The following PHACTR3 variants were observed in gnomAD, a reference collection of about 807,000 sequenced individuals.
The protein encoded by PHACTR3 is protein phosphatase 1, regulatory subunit 123.
PHACTR3 carries 16 observed loss-of-function variants against 66.8 expected under a neutral mutation model. That is an observed-to-expected ratio of 0.24 (90% CI 0.16 to 0.36). The LOEUF is 0.36. PHACTR3 is among the 10% of genes least tolerant of loss of function. The pLI, the probability that PHACTR3 is intolerant of heterozygous loss-of-function variation, is 1.00. For missense variants in PHACTR3, 647 were observed against 719.9 expected, an observed-to-expected ratio of 0.90 and a Z score of 1.16; for synonymous variants, 323 against 292.1, an observed-to-expected ratio of 1.11 and a Z score of -1.08.
At chr20:59,702,206 TAGA>T (rs1458391150) in intron 1 of PHACTR3, among the ~76,000 whole-genome samples, 1 of 152,152 alleles carries the variant, frequency 6.6e-6, no homozygotes, top group Non-Finnish European at 1.5e-5. Context: ...TCATTGCTCT[TAGA>T]AGGTCATTCA....
chr20:59,626,239 C>T (rs551618948), intron 1 of PHACTR3, among the ~76,000 whole-genome samples: 29 of 152,226 alleles, frequency 1.9e-4, no homozygotes, highest in Non-Finnish European at 2.5e-4. Context: ...GTTGCAGTGA[C>T]GACTCATGTC....
At position 59,692,762 on chromosome 20, in the gene PHACTR3, T is replaced by A. The variant is rs816101; in HGVS notation, c.119-50345T>A. Among the ~76,000 whole-genome samples the A allele has an allele frequency of 6.0e-3, 918 of 152,276 alleles. 3 individuals carry two copies. The highest frequency in any genetic ancestry group is 0.01 in the Non-Finnish European group (691 of 68,000). The stretch of plus-strand genomic sequence containing the variant: ...AGCCTTGGTTAAAATATCAGCTCCA[T>A]CCCTTATGACCTTGGGCAACTTACA... On this transcript the variant is annotated intron_variant, in intron 1 of 12. Coordinates refer to ENST00000371015, the MANE Select transcript of PHACTR3 (RefSeq NM_080672.5).
Position 59,743,150 on chromosome 20 carries a change from C to G in PHACTR3, c.162C>G (p.Val54=). 6.2e-7 allele frequency: 1 copy of G among 1,614,072 alleles called. No individual in the cohort carries two copies. The highest frequency in any genetic ancestry group is 8.5e-7 in the Non-Finnish European group (1 of 1,179,966). The change falls in exon 2 of 13, where the codon GTC becomes GTG. Residue 54 remains valine, a synonymous_variant. Coordinates refer to ENST00000371015, the MANE Select transcript of PHACTR3 (RefSeq NM_080672.5). The part of the protein sequence containing the change: ...QTPPARPEYL[V]SGIRTPPVRR... The stretch of plus-strand genomic sequence containing the variant: ...CCCCGGCGCGTCCTGAATATCTGGT[C>G]TCAGGGATTCGAACTCCCCCTGTGA...
chr20:59,836,624 C>T (rs2058972068), intron 9 of PHACTR3, 64 bp downstream of exon 9: 1 of 1,527,522 alleles, frequency 6.5e-7, no homozygotes, highest in East Asian at 2.4e-5. Context: ...TGCACAAATC[C>T]TGAGTTCCCA....
intron 1 of PHACTR3, among the ~76,000 whole-genome samples, chr20:59,593,396 G>A (rs2033240884): frequency 6.6e-6 from 1 of 151,980 alleles, no homozygotes. Context: ...GTATATTTTG[G>A]ATAACAGTCC....
intron 1 of PHACTR3, chr20:59,628,555 C>G (rs746929110): frequency 2.4e-5 from 23 of 940,312 alleles, no homozygotes; most frequent in Non-Finnish European, 2.9e-5. Flanking sequence ...TCCTGGCTCC[C>G]AGGGAGAGAG....
rs990974631 is a variant in PHACTR3, at chr20:59,585,091, G to A, written c.109+7474G>A. ...GCGGGGCCTCGGGTCCTTTCCACTC[G>A]GGCTTTTGCATAGGCAGCTTGAGGT... On this transcript the variant is annotated intron_variant, in intron 1 of 12. Transcript: ENST00000359926. 3.9e-5 allele frequency among the ~76,000 whole-genome samples: 6 copies of A among 152,274 alleles called. No homozygotes were observed. In the East Asian group the frequency reaches 1.2e-3, roughly 29 times the overall value.
At chr20:59,661,535 A>C (rs2035805489) in intron 1 of PHACTR3, among the ~76,000 whole-genome samples, 1 of 152,176 alleles carries the variant, frequency 6.6e-6, no homozygotes, top group African/African-American at 2.4e-5. Flanking sequence ...CCTGATACTC[A>C]ATGGACAATG....
intron 3 of PHACTR3, among the ~76,000 whole-genome samples, chr20:59,748,215 T>C (rs530524783): frequency 1.3e-5 from 2 of 152,358 alleles, no homozygotes; most frequent in South Asian, 2.1e-4. Flanking sequence ...GGGCAAATTA[T>C]TTTTAATTCC....
Position 59,847,244 on chromosome 20 carries a change from G to C in PHACTR3, c.*114G>C. On this transcript the variant is annotated 3_prime_UTR_variant, in exon 13 of 13. Coordinates refer to ENST00000371015, the MANE Select transcript of PHACTR3 (RefSeq NM_080672.5). ...ACTACCCTACCTGCTGTGTTTGTGA[G>C]AAGAGTAGGATCACACACACAGGTG... is the stretch of plus-strand genomic sequence containing the variant. 1 of 732,734 alleles carries C rather than the reference G, an allele frequency of 1.4e-6. No individual in the cohort carries two copies. Among genetic ancestry groups the C allele is most frequent in the Non-Finnish European group, 2.3e-6 (1 of 429,824 alleles). 45.4% of individuals were successfully genotyped at this position (732,734 alleles called of 1,614,324 possible).
chr20:59,598,174 C>A (rs575713643), intron 1 of PHACTR3, among the ~76,000 whole-genome samples: 1 of 152,360 alleles, frequency 6.6e-6, no homozygotes, highest in South Asian at 2.1e-4. Flanking sequence ...TGTTTCTCTG[C>A]TCTGGGTTCT....
intron 7 of PHACTR3, among the ~76,000 whole-genome samples, chr20:59,781,135 T>A (rs374009304): frequency 2.0e-4 from 31 of 152,372 alleles, no homozygotes; most frequent in African/African-American, 7.0e-4. Flanking sequence ...AGTGTTGATG[T>A]CCCTGCCGCT....
chr20:59,805,464 A>C (rs1182524), intron 7 of PHACTR3, among the ~76,000 whole-genome samples: 142,938 of 152,250 alleles, frequency 0.94, 67,257 homozygotes, highest in East Asian at 1. Context: ...AATTAAGATA[A>C]GTGGAGTGGT....
chr20:59,604,532 C>G (rs2033587430), upstream of PHACTR3: 6 of 709,152 alleles, frequency 8.5e-6, no homozygotes, highest in South Asian at 6.3e-5. Context: ...GCTCCAAGAA[C>G]AGCTTTCAGA....
chr20:59,650,368 A>T (rs1171826163), intron 1 of PHACTR3, among the ~76,000 whole-genome samples: 1 of 151,872 alleles, frequency 6.6e-6, no homozygotes, highest in Non-Finnish European at 1.5e-5. Context: ...TTTGCATTAT[A>T]TTGATTGTTC....
chr20:59,841,547 C>T lies in PHACTR3; in HGVS notation c.1587+12C>T. ...CAGCAGCAGATAAGGTACCTAACTG[C>T]CTGTGCTGGTGGGGGGTGTTGGATG... On this transcript the variant is annotated intron_variant, in intron 11 of 12. Coordinates refer to ENST00000371015, the MANE Select transcript of PHACTR3 (RefSeq NM_080672.5). The T allele has an allele frequency of 6.2e-7, 1 of 1,608,850 alleles. No individual in the cohort carries two copies. The highest frequency in any genetic ancestry group is 8.5e-7 in the Non-Finnish European group (1 of 1,177,710).
chr20:59,635,160 T>TC lies in PHACTR3; in HGVS notation c.118+30029dup, dbSNP rs1376818786. On this transcript the variant is annotated intron_variant, in intron 1 of 12. Transcript: ENST00000371015. ...CTTTCTTTCTTTCTTTTTCTTTCTT[T>TC]CTTTCTTTCCTTTCTTTCTTTCTTT... Among the ~76,000 whole-genome samples the TC allele has an allele frequency of 8.4e-3, 565 of 67,232 alleles. 14 individuals carry two copies. The highest frequency in any genetic ancestry group is 0.014 in the African/African-American group (222 of 16,356). 44.1% of individuals were successfully genotyped at this position (67,232 alleles called of 152,430 possible).
At chr20:59,577,557 T>C in exon 1 of PHACTR3, 1 of 1,195,650 alleles carries the variant, frequency 8.4e-7, no homozygotes, top group Non-Finnish European at 1.0e-6. Context: ...GCCCCTGCGC[T>C]CGCTGCTGGG....
At chr20:59,596,690 C>T (rs909372006) in intron 1 of PHACTR3, among the ~76,000 whole-genome samples, 10 of 152,230 alleles carry the variant, frequency 6.6e-5, no homozygotes, top group Non-Finnish European at 1.0e-4. Flanking sequence ...CATTGGCATG[C>T]ATAGCTTGTG....
Sources: allele counts gnomAD v4.1 joint callset (sites outside exome capture counted in the v4.1 genomes callset), GRCh38; gene constraint gnomAD v4.1.1; transcripts MANE v1.5; gene names NCBI Gene and HGNC (gene_info 2026-07-23, HGNC 2026-07-21).